The following PTPRD variants were observed in gnomAD, a reference collection of about 807,000 sequenced individuals.
PTPRD encodes the protein receptor-type tyrosine-protein phosphatase delta.
Under a neutral mutation model 214.5 loss-of-function variants are expected in PTPRD, and 34 were observed. The ratio of observed to expected loss-of-function variants is 0.16; its 90% confidence interval spans 0.12 to 0.21. The LOEUF is 0.21. Among genes scored for constraint, PTPRD ranks in the 10% least tolerant of loss-of-function variants. PTPRD has a pLI of 1.00. For synonymous variants in PTPRD, 1,128 were observed against 845.7 expected, an observed-to-expected ratio of 1.33 and a Z score of -5.79; for missense variants, 2,545 against 2,398.7, an observed-to-expected ratio of 1.06 and a Z score of -1.27.
At chr9:10,385,200 T>A (rs1323483) in intron 2 of PTPRD, among the ~76,000 whole-genome samples, 37,829 of 151,728 alleles carry the variant, frequency 0.25, 6,264 homozygotes, top group East Asian at 0.71. Context: ...ATTCCCTTTT[T>A]AATTTTTAAA....
chr9:9,569,594 AC>A, intron 8 of PTPRD, among the ~76,000 whole-genome samples: 1 of 151,618 alleles, frequency 6.6e-6, no homozygotes, highest in Non-Finnish European at 1.5e-5. Context: ...AGTCAAATCG[AC>A]AAAAGTCTAA....
At chr9:9,657,176 G>T (rs1010822572) in intron 7 of PTPRD, among the ~76,000 whole-genome samples, 1 of 151,624 alleles carries the variant, frequency 6.6e-6, no homozygotes, top group African/African-American at 2.4e-5. Context: ...CATGTCAAAA[G>T]AAACATAATA....
chr9:10,069,788 A>C (rs1255714282), intron 3 of PTPRD, among the ~76,000 whole-genome samples: 1 of 152,102 alleles, frequency 6.6e-6, no homozygotes, highest in Non-Finnish European at 1.5e-5. Flanking sequence ...TATGACAATT[A>C]TGAAATGAAC....
In PTPRD at chr9:9,514,533, C is replaced by T. The variant is rs538785015; in HGVS notation, c.-237+60199G>A. ...TCACAGGAGAGAAATTCCTGCCTTC[C>T]GAGGAGTTCTTGGGTGATTAATGTC... is the stretch of plus-strand genomic sequence containing the variant. On this transcript the variant is annotated intron_variant, in intron 8 of 45. Coordinates refer to ENST00000381196, the MANE Select transcript of PTPRD (RefSeq NM_002839.4). Among the ~76,000 whole-genome samples the T allele has an allele frequency of 1.2e-4, 19 of 152,102 alleles. No individual in the cohort carries two copies. The South Asian group carries it at 2.7e-3, about 22-fold the overall frequency.
At chr9:9,224,283 A>G (rs999926740) in intron 9 of PTPRD, among the ~76,000 whole-genome samples, 1 of 151,940 alleles carries the variant, frequency 6.6e-6, no homozygotes, top group Non-Finnish European at 1.5e-5. Context: ...ATAAAAATGT[A>G]TTGTGTTTGC....
At chr9:8,778,182 G>A (rs1252235744) in intron 11 of PTPRD, among the ~76,000 whole-genome samples, 1 of 152,152 alleles carries the variant, frequency 6.6e-6, no homozygotes, top group Non-Finnish European at 1.5e-5. Context: ...CTAATTTAAG[G>A]CCGGCGTGAT....
intron 2 of PTPRD, among the ~76,000 whole-genome samples, chr9:10,477,993 G>C (rs2099074129): frequency 6.6e-6 from 1 of 151,704 alleles, no homozygotes; most frequent in African/African-American, 2.4e-5. Context: ...TGGGGGACAA[G>C]GGGAGGGAGA....
chr9:9,716,476 T>C (rs1317186417), intron 7 of PTPRD, among the ~76,000 whole-genome samples: 1 of 151,978 alleles, frequency 6.6e-6, no homozygotes, highest in Non-Finnish European at 1.5e-5. Flanking sequence ...ACCAACAGTG[T>C]AAAAGTGTTC....
intron 7 of PTPRD, among the ~76,000 whole-genome samples, chr9:9,665,761 G>T (rs900144795): frequency 6.6e-6 from 1 of 151,854 alleles, no homozygotes; most frequent in African/African-American, 2.4e-5. Context: ...TCTTCAAAAT[G>T]AGATTGATGT....
rs930572392 is a variant in PTPRD, at chr9:9,870,448, A to C, written c.-368+68059T>G. 2.0e-5 allele frequency among the ~76,000 whole-genome samples: 3 copies of C among 152,120 alleles called. No homozygotes were observed. The South Asian group carries it at 6.2e-4, about 32-fold the overall frequency. On this transcript the variant is annotated intron_variant, in intron 5 of 45. Coordinates refer to ENST00000381196, the MANE Select transcript of PTPRD (RefSeq NM_002839.4). Reference sequence around the variant, plus strand: ...TTCATATATCCACAGAAAATGTAAAATAAATAAGTTGCCCATACCCTTTAA... The same window carrying C: ...TTCATATATCCACAGAAAATGTAAACTAAATAAGTTGCCCATACCCTTTAA...
chr9:9,727,148 T>C (rs1000441928), intron 7 of PTPRD, among the ~76,000 whole-genome samples: 1 of 152,140 alleles, frequency 6.6e-6, no homozygotes, highest in Non-Finnish European at 1.5e-5. Flanking sequence ...GTCAGACTTA[T>C]TAGAATCACT....
At chr9:9,001,074 TG>T in intron 11 of PTPRD, among the ~76,000 whole-genome samples, 1 of 152,090 alleles carries the variant, frequency 6.6e-6, no homozygotes, top group Non-Finnish European at 1.5e-5. Context: ...AAATTTCTGT[TG>T]ATTGTGGAGA....
At chr9:10,539,096 T>C (rs548364300) in intron 2 of PTPRD, among the ~76,000 whole-genome samples, 1 of 152,220 alleles carries the variant, frequency 6.6e-6, no homozygotes, top group African/African-American at 2.4e-5. Flanking sequence ...TTTCTCTCCA[T>C]CCTGATCTTG....
At position 8,522,246 on chromosome 9, in the gene PTPRD, G is replaced by A. The variant is rs530778475; in HGVS notation, c.692-700C>T. On this transcript the variant is annotated intron_variant, in intron 19 of 45. Coordinates refer to ENST00000381196, the MANE Select transcript of PTPRD (RefSeq NM_002839.4). ...TGCACAAGATGGAATCTCAAGGCCC[G>A]TGCTAAGGATATTGAAAGAATGGCT... 8.5e-5 allele frequency among the ~76,000 whole-genome samples: 13 copies of A among 152,274 alleles called. No homozygotes were observed. The East Asian group carries it at 1.5e-3, about 18-fold the overall frequency.
chr9:9,001,564 C>A (rs1016954782), intron 11 of PTPRD, among the ~76,000 whole-genome samples: 1 of 151,880 alleles, frequency 6.6e-6, no homozygotes, highest in Non-Finnish European at 1.5e-5. Context: ...AGCTCTGGAT[C>A]GGGTTCAAAA....
At chr9:9,109,910 G>A (rs2099803705) in intron 10 of PTPRD, among the ~76,000 whole-genome samples, 1 of 152,032 alleles carries the variant, frequency 6.6e-6, no homozygotes, top group South Asian at 2.1e-4. Context: ...GTAGACTGAA[G>A]ATGAGGGAGA....
At chr9:9,537,339 C>T (rs1287754924) in intron 8 of PTPRD, among the ~76,000 whole-genome samples, 5 of 151,848 alleles carry the variant, frequency 3.3e-5, no homozygotes, top group South Asian at 2.1e-4. Flanking sequence ...GCATCCATGT[C>T]GTTAGTCCAG....
At chr9:10,529,543 G>A (rs2055485798) in intron 2 of PTPRD, among the ~76,000 whole-genome samples, 1 of 149,836 alleles carries the variant, frequency 6.7e-6, no homozygotes, top group Admixed American at 6.7e-5. Context: ...CACAGGGAGG[G>A]GAACATCATA....
At chr9:9,421,895 G>T (rs1300316721) in intron 8 of PTPRD, among the ~76,000 whole-genome samples, 1 of 151,612 alleles carries the variant, frequency 6.6e-6, no homozygotes, top group Admixed American at 6.6e-5. Context: ...GGAAATGAAA[G>T]TCTGATCCAG....
Sources: gnomAD v4.1 joint callset for allele counts (sites outside exome capture counted in the v4.1 genomes callset) on GRCh38, gnomAD v4.1.1 for gene constraint, MANE v1.5 for transcripts, NCBI Gene and HGNC (gene_info 2026-07-23, HGNC 2026-07-21) for gene names.